Variants in HIP1R observed in about 807,000 individuals in gnomAD.
HIP1R encodes the protein huntingtin-interacting protein 1-related protein.
A neutral mutation model predicts 144.2 loss-of-function variants in HIP1R; 135 were observed. The observed-to-expected ratio is 0.94, with a 90% CI of 0.81 to 1.08. The LOEUF (loss-of-function observed/expected upper bound fraction) is 1.08, where lower values mean the gene tolerates loss of function less well. HIP1R is among the 50% of genes least tolerant of loss of function. The pLI is 0.00. For missense variants in HIP1R, 1,462 were observed against 1,432.8 expected, an observed-to-expected ratio of 1.02 and a Z score of -0.33; for synonymous variants, 698 against 612.8, an observed-to-expected ratio of 1.14 and a Z score of -2.05.
intron 18 of HIP1R, chr12:122,857,830 G>A (rs1401892569): frequency 5.1e-6 from 2 of 388,728 alleles, no homozygotes; most frequent in Non-Finnish European, 9.2e-6. Context: ...GATAGCAAAG[G>A]GTGCTACATA....
Position 122,855,969 on chromosome 12 carries a change from T to A in HIP1R, c.1129-11T>A. The stretch of plus-strand genomic sequence containing the variant: ...CCCAGGCAGGGCCCCACGTCACACC[T>A]CCTCCCGCAGGCCCAGCGGTACATC... On this transcript the variant is annotated splice_polypyrimidine_tract_variant and intron_variant, in intron 13 of 31. Coordinates refer to ENST00000253083, the MANE Select transcript of HIP1R (RefSeq NM_003959.3). 2 of 1,578,648 alleles carry A rather than the reference T, an allele frequency of 1.3e-6. No individual in the cohort carries two copies. Among genetic ancestry groups the A allele is most frequent in the East Asian group, 2.3e-5 (1 of 42,924 alleles).
In HIP1R at chr12:122,860,111, G is replaced by A. The variant is rs552740548; in HGVS notation, c.2496+34G>A. On this transcript the variant is annotated intron_variant, in intron 25 of 31. Coordinates refer to ENST00000253083, the MANE Select transcript of HIP1R (RefSeq NM_003959.3). ...CTGTGACCCGGGGGGGTCTGCACCT[G>A]GAGGGCCACCAGTCATTGCTGTCTT... 2.5e-6 allele frequency: 4 copies of A among 1,584,952 alleles called. No individual in the cohort carries two copies. The African/African-American group carries it at 5.4e-5, about 21-fold the overall frequency.
At position 122,855,786 on chromosome 12, in the gene HIP1R, C is replaced by G. The variant is rs759396571; in HGVS notation, c.1056-45C>G. The G allele has an allele frequency of 9.2e-5, 142 of 1,543,712 alleles. 6 individuals carry two copies. The South Asian group carries it at 1.6e-3, about 18-fold the overall frequency. On this transcript the variant is annotated intron_variant, in intron 12 of 31. Transcript: ENST00000253083. ...CAGGTTCCTGTGCTGGGTCTGTTGACTGTTCTGGTTGACTTAACTTGAACC... is the reference window on the plus strand; with the variant it reads ...CAGGTTCCTGTGCTGGGTCTGTTGAGTGTTCTGGTTGACTTAACTTGAACC...
chr12:122,862,906 A>G lies in HIP1R; in HGVS notation c.*1153A>G, dbSNP rs2033810994. 1 of 152,152 alleles carries G rather than the reference A, an allele frequency of 6.6e-6. No homozygotes were observed. The highest frequency in any genetic ancestry group is 6.5e-5 in the Admixed American group (1 of 15,280). 9.4% of individuals were successfully genotyped at this position (152,152 alleles called of 1,614,324 possible). On this transcript the variant is annotated 3_prime_UTR_variant, in exon 32 of 32. Transcript: ENST00000253083. ...ACCAGCGCCTTGGCTTTGTGTTAGC[A>G]TTTCCTCCTGAAGTGTTCTGTTGGC... is the stretch of plus-strand genomic sequence containing the variant.
chr12:122,857,983 C>T (rs889154685), intron 18 of HIP1R, 119 bp from the exon 19 acceptor site: 6 of 851,062 alleles, frequency 7.1e-6, no homozygotes, highest in Non-Finnish European at 1.1e-5. Flanking sequence ...CTCCACCCCC[C>T]TGACCAGTGA....
chr12:122,842,272 C>T (rs1566101552), intron 1 of HIP1R, among the ~76,000 whole-genome samples: 1 of 152,210 alleles, frequency 6.6e-6, no homozygotes, highest in Non-Finnish European at 1.5e-5. Flanking sequence ...TTAGGTGCCA[C>T]GATAATACAG....
At position 122,862,510 on chromosome 12, in the gene HIP1R, C is replaced by G. The variant is rs2033801774; in HGVS notation, c.*757C>G. The G allele has an allele frequency of 6.6e-6, 1 of 152,412 alleles. No individual in the cohort carries two copies. Among genetic ancestry groups the G allele is most frequent in the Non-Finnish European group, 1.5e-5 (1 of 68,182 alleles). The allele number at this position is 152,412 out of a possible 1,614,324, so 9.4% of individuals were successfully genotyped here. A position where few individuals can be genotyped will look rare whatever the true frequency, so the allele number is the denominator to read the frequency against. ...ATTTCCTGTTTTCCATTCCCCCGTT[C>G]TGGCCGCGCCCCACTGCCCACCTGA... On this transcript the variant is annotated 3_prime_UTR_variant, in exon 32 of 32. Coordinates refer to ENST00000253083, the MANE Select transcript of HIP1R (RefSeq NM_003959.3).
upstream of HIP1R, chr12:122,835,039 T>C: frequency 1.6e-6 from 2 of 1,267,034 alleles, no homozygotes; most frequent in East Asian, 5.7e-5. Context: ...GAGAGGGAAT[T>C]GGCTGGGGTC....
Position 122,856,446 on chromosome 12 carries a change from C to T in HIP1R, c.1416C>T (p.Ala472=), listed in dbSNP as rs2033582252. 1 of 1,592,380 alleles carries T rather than the reference C, an allele frequency of 6.3e-7. No homozygotes were observed. Among genetic ancestry groups the T allele is most frequent in the African/African-American group, 1.3e-5 (1 of 74,594 alleles). ...TGCCCATGCAGAACGCGGACACAGC[C>T]AAGCAGCTGACGGTGACGCAGCAAA... is the stretch of plus-strand genomic sequence containing the variant. ...AELLRKNADT[A]KQLTVTQQSQ... is the part of the protein sequence containing the mutation. The change falls in exon 16 of 32, where the codon GCC becomes GCT. Residue 472 remains alanine, a synonymous_variant. Coordinates refer to ENST00000253083, the MANE Select transcript of HIP1R (RefSeq NM_003959.3).
intron 1 of HIP1R, among the ~76,000 whole-genome samples, chr12:122,843,625 C>T (rs1023476902): frequency 6.6e-6 from 1 of 152,132 alleles, no homozygotes; most frequent in Non-Finnish European, 1.5e-5. Context: ...TCAGGCCCCT[C>T]CTGCTGCCAG....
At chr12:122,844,281 C>T (rs2033146636) in intron 1 of HIP1R, among the ~76,000 whole-genome samples, 1 of 152,172 alleles carries the variant, frequency 6.6e-6, no homozygotes, top group African/African-American at 2.4e-5. Context: ...TACAGCCGTG[C>T]ACCACTACAC....
At chr12:122,846,814 C>T (rs2033223607) in intron 1 of HIP1R, among the ~76,000 whole-genome samples, 1 of 152,222 alleles carries the variant, frequency 6.6e-6, no homozygotes, top group African/African-American at 2.4e-5. Context: ...CATCTGAGGT[C>T]CCACCAGGTA....
intron 1 of HIP1R, among the ~76,000 whole-genome samples, chr12:122,847,599 C>T (rs971829402): frequency 1.2e-4 from 19 of 152,302 alleles, no homozygotes; most frequent in African/African-American, 2.9e-4. Flanking sequence ...TGATGTGCAC[C>T]CTTCATGGGG....
intron 2 of HIP1R, 53 bp downstream of exon 2, chr12:122,848,147 C>G: frequency 1.3e-6 from 2 of 1,578,480 alleles, no homozygotes; most frequent in Admixed American, 1.7e-5. Flanking sequence ...GTGGGAGCAG[C>G]GTAGTGCTGC....
At position 122,860,777 on chromosome 12, in the gene HIP1R, C is replaced by T; in HGVS notation, c.2759C>T (p.Ala920Val). The T allele has an allele frequency of 6.2e-7, 1 of 1,612,406 alleles. No homozygotes were observed. Among genetic ancestry groups the T allele is most frequent in the Non-Finnish European group, 8.5e-7 (1 of 1,179,496 alleles). ...GCCAGCACGGCCCAGCTGGTGGCGG[C>T]CTCCAAGGTGAGCTTGCACGCCGAC... ...IAASTAQLVA[A>V]SKVKANKHSP... Residue 920 changes from alanine (A) to valine (V), a missense_variant, in exon 28 of 32, where the codon GCC becomes GTC. Around this residue, in one of 2 missense-constraint regions of HIP1R, gnomAD observed 1,112 missense variants for 1,011.7 expected, o/e 1.10. Transcript: ENST00000253083.
chr12:122,855,136 C>G lies in HIP1R; in HGVS notation c.852+8C>G. ...ATCCCCCGGCTGCCCGAGGTACCAC[C>G]CCCAAGAGGGCCCCGAGGCCCTTTG... On this transcript the variant is annotated splice_region_variant and intron_variant, in intron 10 of 31. Coordinates refer to ENST00000253083, the MANE Select transcript of HIP1R (RefSeq NM_003959.3). 1.2e-6 allele frequency: 2 copies of G among 1,613,416 alleles called. No individual in the cohort carries two copies. The highest frequency in any genetic ancestry group is 1.7e-6 in the Non-Finnish European group (2 of 1,179,932).
chr12:122,860,285 C>T (rs2033730018), intron 26 of HIP1R, 75 bp downstream of exon 26: 7 of 1,528,770 alleles, frequency 4.6e-6, no homozygotes, highest in African/African-American at 1.4e-5. Context: ...GGGCATGAGA[C>T]CCTCCACCCC....
At chr12:122,838,030 G>A (rs2032956529) in intron 1 of HIP1R, among the ~76,000 whole-genome samples, 1 of 150,060 alleles carries the variant, frequency 6.7e-6, no homozygotes, top group African/African-American at 2.5e-5. Context: ...TGTGGCAGGA[G>A]CACTAGGCTG....
At chr12:122,858,049 A>G in intron 18 of HIP1R, 53 bp from the exon 19 acceptor site, 1 of 1,475,436 alleles carries the variant, frequency 6.8e-7, no homozygotes, top group Non-Finnish European at 9.0e-7. Flanking sequence ...GCTGGGGCAC[A>G]TCCTTGGCCT....
Sources: gnomAD v4.1 joint callset for allele counts (sites outside exome capture counted in the v4.1 genomes callset) on GRCh38, gnomAD v4.1.1 for gene constraint, gnomAD v4.1.1 regional missense constraint, MANE v1.5 for transcripts, NCBI Gene and HGNC (gene_info 2026-07-23, HGNC 2026-07-21) for gene names.